Variants in ADAMTS9 observed in about 807,000 individuals in gnomAD.
ADAMTS9 encodes the protein ADAM metallopeptidase with thrombospondin type 1 motif 9.
ADAMTS9 carries 107 observed loss-of-function variants against 257.1 expected under a neutral mutation model. The observed-to-expected ratio is 0.42, with a 90% CI of 0.36 to 0.49. The LOEUF (loss-of-function observed/expected upper bound fraction) is 0.49, where lower values mean the gene tolerates loss of function less well. Among genes scored for constraint, ADAMTS9 ranks in the 20% least tolerant of loss-of-function variants. The probability of loss-of-function intolerance (pLI) is 0.03; values close to 1 mark genes in which losing one functional copy is unlikely to be tolerated. For synonymous variants in ADAMTS9, 982 were observed against 880.9 expected (o/e 1.11, Z -2.03); for missense variants, 2,353 against 2,469.1 (o/e 0.95, Z 1.00).
chr3:64,663,028 G>A (rs1038453035), intron 3 of ADAMTS9, among the ~76,000 whole-genome samples: 1 of 152,050 alleles, frequency 6.6e-6, no homozygotes, highest in African/African-American at 2.4e-5. Context: ...CTATGTATAT[G>A]CAAGCATCCT....
At position 64,641,913 on chromosome 3, in the gene ADAMTS9, A is replaced by C. The variant is rs1278459827; in HGVS notation, c.1791T>G (p.Phe597Leu). ...TDGSWGSWSP[F>L]GTCSRTCGGG... The stretch of plus-strand genomic sequence containing the variant: ...CTCCACATGTTCTGGAGCAGGTTCC[A>C]AAGGGACTCCAACTTCCCCAGGATC... Residue 597 changes from phenylalanine (F) to leucine (L), a missense_variant, in exon 12 of 40, where the codon TTT (phenylalanine) becomes TTG (leucine). Transcript: ENST00000498707. 3.7e-6 allele frequency: 6 copies of C among 1,614,010 alleles called. No individual in the cohort carries two copies. The highest frequency in any genetic ancestry group is 5.1e-6 in the Non-Finnish European group (6 of 1,180,016).
rs967508933 is a variant in ADAMTS9 at position 64,622,432 on chromosome 3, T to C, written c.2544A>G (p.Glu848=). ...RINSTDRIEQ[E]LLLQVLSVGK... ...GTCAAGTTTTTACCTGAAGCAAAAG[T>C]TCTTGCTCAATGCGATCTGTTGAGT... The change falls in exon 17 of 40, where the codon GAA becomes GAG. Residue 848 remains glutamate (E), a synonymous_variant. Coordinates refer to ENST00000498707, the MANE Select transcript of ADAMTS9 (RefSeq NM_182920.2). The C allele has an allele frequency of 1.2e-6, 2 of 1,613,904 alleles. No homozygotes were observed. The highest frequency in any genetic ancestry group is 1.7e-6 in the Non-Finnish European group (2 of 1,179,958).
intron 28 of ADAMTS9, among the ~76,000 whole-genome samples, chr3:64,593,473 C>T (rs1488063150): frequency 6.6e-6 from 1 of 152,194 alleles, no homozygotes; most frequent in African/African-American, 2.4e-5. Context: ...GGCTCCACAG[C>T]TTATGGGCAC....
intron 12 of ADAMTS9, among the ~76,000 whole-genome samples, chr3:64,634,824 G>C (rs1162376072): frequency 1.3e-5 from 2 of 152,102 alleles, no homozygotes; most frequent in Non-Finnish European, 2.9e-5. Flanking sequence ...GAGTAATCTG[G>C]ACTATAAAAA....
In ADAMTS9 at chr3:64,633,600, T is replaced by G; in HGVS notation, c.2047A>C (p.Lys683Gln). Residue 683 changes from lysine (K) to glutamine (Q), a missense_variant, in exon 14 of 40, where the codon AAG becomes CAG. Physicochemically the swap from Lys to Gln is moderately conservative, Grantham distance 53. This residue lies in a region of ADAMTS9 where 360 missense variants were observed against 458.1 expected (regional missense o/e 0.79). Transcript: ENST00000498707. ...WVPKYSGILM[K>Q]DRCKLFCRVA... ...CTGCAGAACAACTTGCACCGGTCCT[T>G]CATCAGAACTAGAGAGGAGAAACAA... 6.2e-7 allele frequency: 1 copy of G among 1,614,064 alleles called. No homozygotes were observed. Among genetic ancestry groups the G allele is most frequent in the Non-Finnish European group, 8.5e-7 (1 of 1,180,004 alleles).
intron 26 of ADAMTS9, among the ~76,000 whole-genome samples, chr3:64,600,582 G>A (rs754209754): frequency 1.4e-4 from 22 of 152,236 alleles, no homozygotes; most frequent in Admixed American, 1.4e-3. Flanking sequence ...ACATGTGTGA[G>A]TTTTGAATTT....
chr3:64,516,710 G>A lies in ADAMTS9; in HGVS notation c.*417C>T, dbSNP rs1481997356. On this transcript the variant is annotated 3_prime_UTR_variant, in exon 40 of 40. Coordinates refer to ENST00000498707, the MANE Select transcript of ADAMTS9 (RefSeq NM_182920.2). Reference sequence around the variant, plus strand: ...ACAACTCTTATAGCACCTTGATGATGGCTAGATTGTTTTAAAAAAATTCAT... The same window carrying A: ...ACAACTCTTATAGCACCTTGATGATAGCTAGATTGTTTTAAAAAAATTCAT... 3 of 152,412 alleles carry A rather than the reference G, an allele frequency of 2.0e-5. No individual in the cohort carries two copies. Among genetic ancestry groups the A allele is most frequent in the African/African-American group, 4.8e-5 (2 of 41,358 alleles). 9.4% of individuals were successfully genotyped at this position (152,412 alleles called of 1,614,324 possible).
chr3:64,543,867 C>A (rs2083161095), intron 32 of ADAMTS9, among the ~76,000 whole-genome samples: 1 of 152,176 alleles, frequency 6.6e-6, no homozygotes, highest in African/African-American at 2.4e-5. Flanking sequence ...ATTTAGAAAA[C>A]CCCATCGTCT....
intron 26 of ADAMTS9, 148 bp from the exon 27 acceptor site, chr3:64,597,139 AC>A: frequency 1.9e-6 from 2 of 1,028,372 alleles, no homozygotes; most frequent in Non-Finnish European, 2.8e-6. Flanking sequence ...AAACCCAAGA[AC>A]TTCCCCACTG....
chr3:64,600,467 G>A (rs1576102405), intron 26 of ADAMTS9, among the ~76,000 whole-genome samples: 2 of 152,332 alleles, frequency 1.3e-5, no homozygotes, highest in South Asian at 4.1e-4. Flanking sequence ...CTGCCCAAGG[G>A]CAGAATCATT....
chr3:64,541,088 A>G lies in ADAMTS9; in HGVS notation c.5521+7T>C, dbSNP rs763582047. ...ACACGTTCCCAAAGGACTCCTCACT[A>G]ACTTACTGATTATCTGCATGCTGGT... On this transcript the variant is annotated splice_region_variant and intron_variant, in intron 36 of 39. Transcript: ENST00000498707. The G allele has an allele frequency of 1.9e-6, 3 of 1,613,752 alleles. No homozygotes were observed. The highest frequency in any genetic ancestry group is 4.5e-5 in the East Asian group (2 of 44,896).
intron 38 of ADAMTS9, among the ~76,000 whole-genome samples, chr3:64,531,908 G>C (rs905068168): frequency 6.6e-6 from 1 of 152,152 alleles, no homozygotes; most frequent in African/African-American, 2.4e-5. Context: ...TTTTCCACGA[G>C]CCGGGTTTCT....
chr3:64,663,649 C>A (rs2106988643), intron 3 of ADAMTS9, among the ~76,000 whole-genome samples: 1 of 152,216 alleles, frequency 6.6e-6, no homozygotes, highest in South Asian at 2.1e-4. Context: ...TACCAGCAAA[C>A]AACTCATGTA....
chr3:64,533,078 C>T, intron 38 of ADAMTS9, 88 bp downstream of exon 38: 2 of 1,219,880 alleles, frequency 1.6e-6, no homozygotes, highest in Non-Finnish European at 2.3e-6. Context: ...CATTCGTTTG[C>T]TCCTTCAGCA....
In ADAMTS9 at chr3:64,649,797, A is replaced by T. The variant is rs1700888471; in HGVS notation, c.1464-19T>A. ...ACCAGTGCTACGGAAACACACAGAA[A>T]CACACAGATGGTGAGAACGGTGGCT... On this transcript the variant is annotated intron_variant, in intron 9 of 39. Transcript: ENST00000498707. The T allele has an allele frequency of 2.5e-6, 4 of 1,606,774 alleles. No individual in the cohort carries two copies. Among genetic ancestry groups the T allele is most frequent in the Non-Finnish European group, 2.6e-6 (3 of 1,176,438 alleles).
intron 28 of ADAMTS9, among the ~76,000 whole-genome samples, chr3:64,571,186 G>A (rs2083676111): frequency 6.6e-6 from 1 of 152,202 alleles, no homozygotes; most frequent in South Asian, 2.1e-4. Context: ...ATTGGAAAAG[G>A]TACAACTCTC....
chr3:64,661,331 C>A lies in ADAMTS9; in HGVS notation c.680-2540G>T, dbSNP rs189603348. Among the ~76,000 whole-genome samples the A allele has an allele frequency of 1.3e-4, 18 of 141,162 alleles. No homozygotes were observed. In the East Asian group the frequency reaches 2.7e-3, roughly 21 times the overall value. The allele number at this position is 141,162 out of a possible 152,430, so 92.6% of individuals were successfully genotyped here. A position where few individuals can be genotyped will look rare whatever the true frequency, so the allele number is the denominator to read the frequency against. ...TATATGAGCTTTCAATATATGCATA[C>A]CAGGACCAAATCAATTGTTAAATCA... On this transcript the variant is annotated intron_variant, in intron 3 of 39. Coordinates refer to ENST00000498707, the MANE Select transcript of ADAMTS9 (RefSeq NM_182920.2).
chr3:64,680,899 C>T (rs947610416), intron 3 of ADAMTS9, among the ~76,000 whole-genome samples: 3 of 152,054 alleles, frequency 2.0e-5, no homozygotes, highest in African/African-American at 7.2e-5. Context: ...CAAGGTTAAG[C>T]CTAAAAATCA....
intron 12 of ADAMTS9, among the ~76,000 whole-genome samples, chr3:64,637,527 A>T (rs995902800): frequency 1.3e-5 from 2 of 152,210 alleles, no homozygotes; most frequent in Non-Finnish European, 1.5e-5. Context: ...GCATGACCAA[A>T]GCTATAAAGA....
Sources: gnomAD v4.1 joint callset for allele counts (sites outside exome capture counted in the v4.1 genomes callset) on GRCh38, gnomAD v4.1.1 for gene constraint, gnomAD v4.1.1 regional missense constraint, MANE v1.5 for transcripts, NCBI Gene and HGNC (gene_info 2026-07-23, HGNC 2026-07-21) for gene names.